Variants in PRKDC observed in about 807,000 individuals in gnomAD.
The protein encoded by PRKDC is protein kinase, DNA-activated, catalytic subunit, also known as DNA-dependent protein kinase catalytic subunit.
Under a neutral mutation model 486.9 loss-of-function variants are expected in PRKDC, and 82 were observed. The ratio of observed to expected loss-of-function variants is 0.17; its 90% CI spans 0.14 to 0.20. The LOEUF is 0.20. Ranked by LOEUF, PRKDC falls within the 10% of genes least tolerant of loss-of-function variation. The pLI, the probability that PRKDC is intolerant of heterozygous loss-of-function variation, is 1.00. For synonymous variants in PRKDC, 1,895 were observed against 1,837.0 expected, an observed-to-expected ratio of 1.03 and a Z score of -0.81; for missense variants, 4,504 against 5,038.2, an observed-to-expected ratio of 0.89 and a Z score of 3.21.
intron 42 of PRKDC, among the ~76,000 whole-genome samples, chr8:47,862,946 A>G (rs1484143564): frequency 6.6e-6 from 1 of 152,254 alleles, no homozygotes; most frequent in Non-Finnish European, 1.5e-5. Context: ...TCTGTGTTCA[A>G]TATTTACTAG....
At position 47,774,245 on chromosome 8, in the gene PRKDC, C is replaced by A. The variant is rs751251731; in HGVS notation, c.12315G>T (p.Lys4105Asn). 2.5e-6 allele frequency: 4 copies of A among 1,605,790 alleles called. No homozygotes were observed. Among genetic ancestry groups the A allele is most frequent in the Non-Finnish European group, 3.4e-6 (4 of 1,176,236 alleles). The change falls in exon 86 of 86, where the codon AAG becomes AAT. Residue 4105 changes from lysine (K) to asparagine (N), a missense_variant. Lys to Asn is a moderately conservative substitution (Grantham distance 94). Transcript: ENST00000314191. ...GGTCTGTTGCCTGGTCCATCAGGCA[C>A]TTCACTTGAGTCTCTTCTGAAAGCC... is the stretch of plus-strand genomic sequence containing the variant. Reference protein sequence around the residue: ...ESGLSEETQVKCLMDQATDPN... With the variant: ...ESGLSEETQVNCLMDQATDPN...
intron 16 of PRKDC, among the ~76,000 whole-genome samples, chr8:47,931,209 C>T (rs951167099): frequency 3.3e-5 from 5 of 152,326 alleles, no homozygotes; most frequent in African/African-American, 9.6e-5. Context: ...GTTTTAAACA[C>T]GCTAAGTTTG....
Position 47,777,625 on chromosome 8 carries a change from A to G in PRKDC, c.12042+61T>C, listed in dbSNP as rs8178253. On this transcript the variant is annotated intron_variant, in intron 84 of 85. Coordinates refer to ENST00000314191, the MANE Select transcript of PRKDC (RefSeq NM_006904.7). ...TGCACTTCCATCATACACGAGAGAT[A>G]CCAGCTTGATCACGGGGACACTGTC... 5.9e-3 allele frequency: 8,697 copies of G among 1,462,410 alleles called. 368 individuals carry two copies. The African/African-American group carries it at 0.097, about 16-fold the overall frequency. The allele number at this position is 1,462,410 out of a possible 1,614,324, so 90.6% of individuals were successfully genotyped here. A position where few individuals can be genotyped will look rare whatever the true frequency, so the allele number is the denominator to read the frequency against.
chr8:47,920,233 G>C (rs1352139680), intron 21 of PRKDC, among the ~76,000 whole-genome samples: 2 of 152,162 alleles, frequency 1.3e-5, no homozygotes, highest in Non-Finnish European at 2.9e-5. Flanking sequence ...CTATATTTCT[G>C]TGTGTGTGTC....
At chr8:47,857,803 T>C (rs555237229) in intron 48 of PRKDC, among the ~76,000 whole-genome samples, 2 of 152,260 alleles carry the variant, frequency 1.3e-5, no homozygotes, top group South Asian at 2.1e-4. Flanking sequence ...AGACTCGCCA[T>C]GTCTGCAGAG....
rs564107526 is a variant in PRKDC at position 47,891,902 on chromosome 8, G to A, written c.3847+1237C>T. Among the ~76,000 whole-genome samples the A allele has an allele frequency of 3.3e-5, 5 of 151,916 alleles. No individual in the cohort carries two copies. In the East Asian group the frequency reaches 5.8e-4, roughly 18 times the overall value. On this transcript the variant is annotated intron_variant, in intron 31 of 85. Transcript: ENST00000314191. ...TTGTTTTGGTTTTATTTTCTGAGAC[G>A]GTGTCACCCAGGCTGGAGTGCTCTG... is the stretch of plus-strand genomic sequence containing the variant.
In PRKDC at chr8:47,929,140, G is replaced by A. The variant is rs1364455299; in HGVS notation, c.2091C>T (p.Asp697=). Residue 697 remains aspartate, a synonymous_variant, in exon 19 of 86, where the codon GAC becomes GAT. Transcript: ENST00000314191. ...AAGCAAAGCAAGAATACTTTTCTGGGTCTTCAGGAGAGTGTTTCAGACTCT... is the reference window on the plus strand; with the variant it reads ...AAGCAAAGCAAGAATACTTTTCTGGATCTTCAGGAGAGTGTTTCAGACTCT... ...SPKSLKHSPE[D]PEKYSCFALF... The A allele has an allele frequency of 6.3e-7, 1 of 1,579,132 alleles. No homozygotes were observed. The highest frequency in any genetic ancestry group is 8.6e-7 in the Non-Finnish European group (1 of 1,160,644).
At chr8:47,795,351 G>C (rs1277327120) in intron 73 of PRKDC, among the ~76,000 whole-genome samples, 1 of 145,046 alleles carries the variant, frequency 6.9e-6, no homozygotes, top group East Asian at 2.1e-4. Context: ...CACCACGCCT[G>C]GCTAATTTTT....
chr8:47,957,127 G>C, intron 3 of PRKDC, 44 bp downstream of exon 3: 2 of 1,279,984 alleles, frequency 1.6e-6, no homozygotes, highest in Non-Finnish European at 2.2e-6. Flanking sequence ...AGTTAAAACA[G>C]ATGTTGATAT....
Position 47,936,382 on chromosome 8 carries a change from C to G in PRKDC, c.1249G>C (p.Val417Leu). 2 of 1,613,626 alleles carry G rather than the reference C, an allele frequency of 1.2e-6. No homozygotes were observed. The highest frequency in any genetic ancestry group is 8.5e-7 in the Non-Finnish European group (1 of 1,179,664). The change falls in exon 12 of 86, where the codon GTT becomes CTT. Residue 417 changes from valine (V) to leucine (L), a missense_variant. By Grantham distance (32) the Val-to-Leu change is conservative. This residue lies in a region of PRKDC where 1,969 missense variants were observed against 2,068.9 expected (regional missense o/e 0.95). Transcript: ENST00000314191. Reference sequence around the variant, plus strand: ...TCAAGGTACAGCAAGACGCTTGCAACAGACTGGAGGAAGCTTGGCATCTGA... The same window carrying G: ...TCAAGGTACAGCAAGACGCTTGCAAGAGACTGGAGGAAGCTTGGCATCTGA... Reference protein sequence around the residue: ...VYQMPSFLQSVASVLLYLDTV... With the variant: ...VYQMPSFLQSLASVLLYLDTV...
chr8:47,779,121 A>G (rs1306511592), intron 80 of PRKDC, 28 bp from the exon 81 acceptor site: 2 of 1,489,444 alleles, frequency 1.3e-6, no homozygotes, highest in Non-Finnish European at 1.8e-6. Flanking sequence ...GGGAATTGGA[A>G]TTAGGAAGAT....
intron 40 of PRKDC, among the ~76,000 whole-genome samples, chr8:47,865,184 G>A (rs2088779511): frequency 6.6e-6 from 1 of 151,854 alleles, no homozygotes. Flanking sequence ...TCAGGAGATC[G>A]AGACCACCCT....
chr8:47,860,938 T>C lies in PRKDC; in HGVS notation c.6019A>G (p.Ile2007Val). The C allele has an allele frequency of 6.2e-7, 1 of 1,608,586 alleles. No homozygotes were observed. Among genetic ancestry groups the C allele is most frequent in the South Asian group, 1.1e-5 (1 of 89,402 alleles). ...PMERKKKYIE[I>V]RKEAREAANG... Reference sequence around the variant, plus strand: ...GCTGCTTCTCTGGCTTCTTTCCTAATTTCAATGTACTTTTTCTTTCTTTCC... The same window carrying C: ...GCTGCTTCTCTGGCTTCTTTCCTAACTTCAATGTACTTTTTCTTTCTTTCC... The change falls in exon 45 of 86, where the codon ATT becomes GTT. Residue 2007 changes from isoleucine (I) to valine (V), a missense_variant. This residue lies in a region of PRKDC where 1,592 missense variants were observed against 1,724.6 expected (regional missense o/e 0.92). Transcript: ENST00000314191.
chr8:47,918,053 C>T (rs944998572), intron 22 of PRKDC, among the ~76,000 whole-genome samples: 4 of 152,066 alleles, frequency 2.6e-5, no homozygotes, highest in Non-Finnish European at 4.4e-5. Flanking sequence ...TCCTATGTTG[C>T]CCAGGCTGAG....
chr8:47,908,558 A>G (rs1415838709), intron 25 of PRKDC, among the ~76,000 whole-genome samples: 1 of 152,224 alleles, frequency 6.6e-6, no homozygotes, highest in African/African-American at 2.4e-5. Flanking sequence ...AGCAGAAATC[A>G]CACTGCACAC....
At position 47,943,342 on chromosome 8, in the gene PRKDC, T is replaced by C. The variant is rs1314977069; in HGVS notation, c.833A>G (p.His278Arg). The C allele has an allele frequency of 2.8e-5, 45 of 1,609,512 alleles. No homozygotes were observed. Among genetic ancestry groups the C allele is most frequent in the Non-Finnish European group, 3.7e-5 (44 of 1,178,316 alleles). ...PSAGLRLFAL[H>R]ASQFSTCLLD... Reference sequence around the variant, plus strand: ...AAGGCAGGTGCTAAACTGAGATGCATGCAGGGCAAATAGGCGCAAGCCAGC... The same window carrying C: ...AAGGCAGGTGCTAAACTGAGATGCACGCAGGGCAAATAGGCGCAAGCCAGC... The change falls in exon 10 of 86, where the codon CAT (histidine) becomes CGT (arginine). Residue 278 changes from histidine to arginine, a missense_variant. Transcript: ENST00000314191.
Position 47,813,865 on chromosome 8 carries a change from C to T in PRKDC, c.9557+3585G>A, listed in dbSNP as rs190973538. Reference sequence around the variant, plus strand: ...CTGGAATTAGAGGCATAAGCCACCACGCCTGGCCATAAACTTTTTTTAAAA... The same window carrying T: ...CTGGAATTAGAGGCATAAGCCACCATGCCTGGCCATAAACTTTTTTTAAAA... On this transcript the variant is annotated intron_variant, in intron 68 of 85. Transcript: ENST00000314191. 1.0e-3 allele frequency among the ~76,000 whole-genome samples: 153 copies of T among 152,310 alleles called. 1 individual carries two copies. The highest frequency in any genetic ancestry group is 9.1e-3 in the Admixed American group (140 of 15,302).
chr8:47,888,181 C>T (rs1263676534), intron 34 of PRKDC, among the ~76,000 whole-genome samples: 3 of 152,156 alleles, frequency 2.0e-5, no homozygotes, highest in African/African-American at 7.2e-5. Flanking sequence ...TCTGGCTCAA[C>T]CTTGCTTTCT....
chr8:47,895,066 G>A (rs2089548238), intron 30 of PRKDC, among the ~76,000 whole-genome samples: 1 of 152,078 alleles, frequency 6.6e-6, no homozygotes, highest in South Asian at 2.1e-4. Context: ...AACAGAGTGA[G>A]ACCCTGTCTC....
Sources: allele counts gnomAD v4.1 joint callset (sites outside exome capture counted in the v4.1 genomes callset), GRCh38; gene constraint gnomAD v4.1.1; regional missense constraint gnomAD v4.1.1; transcripts MANE v1.5; gene names NCBI Gene and HGNC (gene_info 2026-07-23, HGNC 2026-07-21).